The following DMRT1 variants were observed in gnomAD, a reference collection of about 807,000 sequenced individuals.
The protein encoded by DMRT1 is doublesex and mab-3 related transcription factor 1, also known as doublesex- and mab-3-related transcription factor 1.
In DMRT1, 7 loss-of-function variants were observed where a neutral mutation model predicts 32.3. That is an observed-to-expected ratio of 0.22 (90% CI 0.12 to 0.41). The LOEUF (loss-of-function observed/expected upper bound fraction) is 0.41, where lower values mean the gene tolerates loss of function less well. Ranked by LOEUF, DMRT1 falls within the 10% of genes least tolerant of loss-of-function variation. The pLI is 1.00. For missense variants in DMRT1, 625 were observed against 500.5 expected (o/e 1.25, Z -2.37); for synonymous variants, 278 against 206.1 (o/e 1.35, Z -2.99).
chr9:871,720 C>A (rs565817363), intron 2 of DMRT1, among the ~76,000 whole-genome samples: 3 of 150,928 alleles, frequency 2.0e-5, no homozygotes, highest in Non-Finnish European at 4.4e-5. Context: ...GTGATTCGCC[C>A]GCCTCGGCCT....
intron 3 of DMRT1, among the ~76,000 whole-genome samples, chr9:895,137 G>A (rs1201582488): frequency 1.3e-5 from 2 of 152,126 alleles, no homozygotes; most frequent in East Asian, 3.8e-4. Flanking sequence ...TTTTAAAATA[G>A]CATGCAATCA....
intron 3 of DMRT1, among the ~76,000 whole-genome samples, chr9:902,909 T>G (rs747723072): frequency 3.9e-5 from 6 of 152,142 alleles, no homozygotes; most frequent in African/African-American, 7.2e-5. Context: ...GATGTAATGA[T>G]TGGGCCTACT....
intron 2 of DMRT1, among the ~76,000 whole-genome samples, chr9:885,339 G>A (rs1032265865): frequency 2.0e-5 from 3 of 152,204 alleles, no homozygotes; most frequent in Non-Finnish European, 4.4e-5. Flanking sequence ...TGTACCAAAA[G>A]AATGAGATCA....
chr9:935,061 A>C (rs191944234), intron 4 of DMRT1, among the ~76,000 whole-genome samples: 1 of 152,334 alleles, frequency 6.6e-6, no homozygotes, highest in Non-Finnish European at 1.5e-5. Flanking sequence ...TTATAATAGA[A>C]GCAGTGAGAA....
At chr9:950,917 A>G (rs1449484760) in intron 4 of DMRT1, among the ~76,000 whole-genome samples, 2 of 152,218 alleles carry the variant, frequency 1.3e-5, no homozygotes, top group African/African-American at 4.8e-5. Context: ...GTTTTGATAT[A>G]GAAAATTATA....
intron 2 of DMRT1, among the ~76,000 whole-genome samples, chr9:866,748 C>A (rs1285878953): frequency 6.6e-6 from 1 of 152,136 alleles, no homozygotes; most frequent in Non-Finnish European, 1.5e-5. Context: ...CCCATGGCTT[C>A]CCACCCCAGG....
At chr9:967,148 C>T (rs1819955228) in intron 4 of DMRT1, among the ~76,000 whole-genome samples, 1 of 152,222 alleles carries the variant, frequency 6.6e-6, no homozygotes, top group Non-Finnish European at 1.5e-5. Context: ...TAATTACATT[C>T]ACACTAGGCA....
chr9:876,121 G>C (rs1816489831), intron 2 of DMRT1, among the ~76,000 whole-genome samples: 1 of 152,124 alleles, frequency 6.6e-6, no homozygotes, highest in South Asian at 2.1e-4. Context: ...TTGAGAGCTG[G>C]GTGACAGGTC....
At chr9:924,181 C>T (rs1032089504) in intron 4 of DMRT1, among the ~76,000 whole-genome samples, 1 of 151,370 alleles carries the variant, frequency 6.6e-6, no homozygotes. Context: ...AAGCAATTCT[C>T]CTACCTCAGC....
chr9:935,699 C>T (rs1209929463), intron 4 of DMRT1, among the ~76,000 whole-genome samples: 2 of 152,208 alleles, frequency 1.3e-5, no homozygotes, highest in African/African-American at 2.4e-5. Context: ...GCAGTTGTTA[C>T]AGCGCTAAAT....
chr9:850,299 A>C (rs1839089787), intron 2 of DMRT1, among the ~76,000 whole-genome samples: 1 of 152,218 alleles, frequency 6.6e-6, no homozygotes, highest in African/African-American at 2.4e-5. Context: ...ATATAGAGAC[A>C]GAAAGATGGA....
chr9:937,995 T>C (rs1274413022), intron 4 of DMRT1, among the ~76,000 whole-genome samples: 6 of 152,174 alleles, frequency 3.9e-5, no homozygotes, highest in African/African-American at 1.2e-4. Context: ...CTTAAGATCT[T>C]TCATTAATTT....
intron 2 of DMRT1, among the ~76,000 whole-genome samples, chr9:876,131 C>T (rs1384469406): frequency 6.6e-6 from 1 of 152,178 alleles, no homozygotes; most frequent in East Asian, 1.9e-4. Context: ...GGTGACAGGT[C>T]TTCTTACCTG....
At chr9:958,999 C>G (rs577766884) in intron 4 of DMRT1, among the ~76,000 whole-genome samples, 12 of 152,362 alleles carry the variant, frequency 7.9e-5, no homozygotes, top group East Asian at 3.9e-4. Context: ...GATTCTTCTG[C>G]AAGGCTGCTT....
chr9:905,515 G>GTGTGTGA (rs1564240662), intron 3 of DMRT1, among the ~76,000 whole-genome samples: 2 of 55,298 alleles, frequency 3.6e-5, no homozygotes, highest in Admixed American at 3.7e-4. Context: ...TGTGTGTGTG[G>GTGTGTGA]CACTGCAGGA....
At chr9:902,620 C>A (rs1437828771) in intron 3 of DMRT1, among the ~76,000 whole-genome samples, 3 of 151,686 alleles carry the variant, frequency 2.0e-5, no homozygotes, top group African/African-American at 7.3e-5. Context: ...TCCTGAGTAG[C>A]TGGGACTACA....
In DMRT1 at chr9:894,069, C is replaced by T. The variant is rs1375222261; in HGVS notation, c.696C>T (p.Ser232=). Reference sequence around the variant, plus strand: ...ATCTATACAACTGCCCGCAGTACTCCATGGCCTTGGCTGCTGATTCTGCTT... The same window carrying T: ...ATCTATACAACTGCCCGCAGTACTCTATGGCCTTGGCTGCTGATTCTGCTT... ...YNNLYNCPQY[S]MALAADSASG... Residue 232 remains serine, a synonymous_variant, in exon 3 of 5, where the codon TCC becomes TCT. Transcript: ENST00000382276. 6.2e-7 allele frequency: 1 copy of T among 1,614,132 alleles called. No homozygotes were observed. Among genetic ancestry groups the T allele is most frequent in the East Asian group, 2.2e-5 (1 of 44,892 alleles).
At chr9:883,780 C>T (rs879217761) in intron 2 of DMRT1, among the ~76,000 whole-genome samples, 2 of 148,340 alleles carry the variant, frequency 1.3e-5, no homozygotes, top group African/African-American at 5.1e-5. Flanking sequence ...CGGAGCAAGA[C>T]CTGTTTCTTA....
chr9:855,021 C>G lies in DMRT1; in HGVS notation c.538+7878C>G, dbSNP rs183541728. On this transcript the variant is annotated intron_variant, in intron 2 of 4. Transcript: ENST00000382276. ...TGACCTCGTGATCCGCCCGCCTCAG[C>G]CTCCCAAAGTGCTGCGATTACAGGG... Among the ~76,000 whole-genome samples the G allele has an allele frequency of 3.9e-3, 590 of 151,618 alleles. 4 individuals are homozygous for G. Among genetic ancestry groups the G allele is most frequent in the African/African-American group, 0.014 (564 of 41,280 alleles).
Sources: gnomAD v4.1 joint callset for allele counts (sites outside exome capture counted in the v4.1 genomes callset) on GRCh38, gnomAD v4.1.1 for gene constraint, MANE v1.5 for transcripts, NCBI Gene and HGNC (gene_info 2026-07-23, HGNC 2026-07-21) for gene names.